ARHGEF18: variants seen among roughly 807,000 people sequenced by gnomAD.
ARHGEF18 encodes the protein rho guanine nucleotide exchange factor 18.
A neutral mutation model predicts 155.7 loss-of-function variants in ARHGEF18; 93 were observed. The observed-to-expected ratio is 0.60, with a 90% confidence interval of 0.50 to 0.71. ARHGEF18 has a LOEUF of 0.71. ARHGEF18 is among the 30% of genes least tolerant of loss of function. The pLI is 0.00. For missense variants in ARHGEF18, 1,593 were observed against 1,816.1 expected, an observed-to-expected ratio of 0.88 and a Z score of 2.23; for synonymous variants, 742 against 753.1, an observed-to-expected ratio of 0.99 and a Z score of 0.24.
intron 10 of ARHGEF18, among the ~76,000 whole-genome samples, chr19:7,411,064 G>C (rs1972647907): frequency 6.6e-6 from 1 of 151,918 alleles, no homozygotes; most frequent in Admixed American, 6.6e-5. Context: ...CCTCCATCCT[G>C]ATACCAGAAA....
At chr19:7,380,192 T>C (rs1451704053) in intron 7 of ARHGEF18, among the ~76,000 whole-genome samples, 1 of 148,444 alleles carries the variant, frequency 6.7e-6, no homozygotes, top group Non-Finnish European at 1.5e-5. Context: ...AAAAAAAAAA[T>C]TGTGGGCTGG....
chr19:7,447,669 G>A (rs1301962075), intron 15 of ARHGEF18, among the ~76,000 whole-genome samples: 3 of 152,154 alleles, frequency 2.0e-5, no homozygotes, highest in African/African-American at 4.8e-5. Flanking sequence ...TTCAGAACAC[G>A]TCAGTGAAAT....
At chr19:7,407,707 T>C (rs1972400295) in intron 10 of ARHGEF18, among the ~76,000 whole-genome samples, 1 of 151,934 alleles carries the variant, frequency 6.6e-6, no homozygotes, top group Non-Finnish European at 1.5e-5. Context: ...AAATTTTTTC[T>C]GTTAAGAGCT....
At chr19:7,427,887 T>C (rs1973750156) in intron 10 of ARHGEF18, among the ~76,000 whole-genome samples, 1 of 151,896 alleles carries the variant, frequency 6.6e-6, no homozygotes, top group Non-Finnish European at 1.5e-5. Context: ...CAGTCTGCAG[T>C]GAGCCAAGAT....
intron 11 of ARHGEF18, among the ~76,000 whole-genome samples, chr19:7,441,060 G>T (rs1974610202): frequency 6.6e-6 from 1 of 151,864 alleles, no homozygotes; most frequent in Non-Finnish European, 1.5e-5. Flanking sequence ...GGCTCCAGTG[G>T]TCTGTCAAGG....
chr19:7,449,443 G>C (rs373982488), intron 15 of ARHGEF18, among the ~76,000 whole-genome samples: 1 of 151,972 alleles, frequency 6.6e-6, no homozygotes, highest in Non-Finnish European at 1.5e-5. Context: ...GTGTGGTGGC[G>C]CACACCTGTA....
intron 10 of ARHGEF18, among the ~76,000 whole-genome samples, chr19:7,404,457 C>CTTTTTT (rs35583640): frequency 8.7e-6 from 1 of 115,280 alleles, no homozygotes; most frequent in Non-Finnish European, 1.7e-5. Flanking sequence ...GGATCTCTCT[C>CTTTTTT]TTTTTTTTTT....
chr19:7,429,464 G>A (rs566944285), intron 10 of ARHGEF18, among the ~76,000 whole-genome samples: 41 of 152,074 alleles, frequency 2.7e-4, no homozygotes, highest in Non-Finnish European at 5.6e-4. Context: ...TTACCTAGGT[G>A]TGGTGGCAGG....
intron 10 of ARHGEF18, among the ~76,000 whole-genome samples, chr19:7,387,888 C>T (rs1452151370): frequency 6.6e-6 from 1 of 151,940 alleles, no homozygotes; most frequent in Admixed American, 6.6e-5. Flanking sequence ...TGGTCTCAAA[C>T]TCCTGACCTC....
chr19:7,478,115 G>A, the ARHGEF18 span, among the ~76,000 whole-genome samples: 1 of 152,242 alleles, frequency 6.6e-6, no homozygotes, highest in Non-Finnish European at 1.5e-5. Context: ...TGAAGGCTCA[G>A]CCCTGGAGTC....
Position 7,362,814 on chromosome 19 carries a change from A to C in ARHGEF18, c.-77A>C. 1.6e-6 allele frequency: 2 copies of C among 1,233,892 alleles called. No homozygotes were observed. The allele number at this position is 1,233,892 out of a possible 1,614,324, so 76.4% of individuals were successfully genotyped here. On this transcript the variant is annotated 5_prime_UTR_variant, in exon 2 of 29. The change abolishes the stop of an existing upstream ORF in the 5' untranslated region. Transcript: ENST00000668164. ...CCCAAGTCATGTGTCCAGCCTTTTG[A>C]CTCTGGAGCTGTGGCTTCAGCCACC... is the stretch of plus-strand genomic sequence containing the variant.
At chr19:7,375,052 A>C (rs1192201983) in intron 3 of ARHGEF18, among the ~76,000 whole-genome samples, 1 of 152,068 alleles carries the variant, frequency 6.6e-6, no homozygotes, top group East Asian at 1.9e-4. Context: ...CGGGCGGATC[A>C]CTTGAGGTGA....
At chr19:7,427,339 C>T (rs1327630958) in intron 10 of ARHGEF18, among the ~76,000 whole-genome samples, 1 of 151,968 alleles carries the variant, frequency 6.6e-6, no homozygotes, top group East Asian at 1.9e-4. Flanking sequence ...AGGCATTGTC[C>T]AGAAAAAAAG....
At chr19:7,388,739 C>A (rs2145493862) in intron 10 of ARHGEF18, among the ~76,000 whole-genome samples, 1 of 151,446 alleles carries the variant, frequency 6.6e-6, no homozygotes, top group African/African-American at 2.4e-5. Flanking sequence ...CGCCACCACG[C>A]CTGGCTAATT....
downstream of ARHGEF18, among the ~76,000 whole-genome samples, chr19:7,476,563 G>T (rs956888561): frequency 7.2e-5 from 11 of 152,242 alleles, no homozygotes; most frequent in African/African-American, 2.7e-4. Flanking sequence ...TCAGCCTGGA[G>T]CCCTTAAAAT....
intron 10 of ARHGEF18, among the ~76,000 whole-genome samples, chr19:7,411,839 A>G (rs1002200571): frequency 6.6e-6 from 1 of 152,072 alleles, no homozygotes; most frequent in African/African-American, 2.4e-5. Context: ...GGGACCTCCT[A>G]GAAGTGGAGT....
intron 10 of ARHGEF18, among the ~76,000 whole-genome samples, chr19:7,398,599 G>A (rs1971852969): frequency 6.6e-6 from 1 of 151,316 alleles, no homozygotes; most frequent in African/African-American, 2.4e-5. Flanking sequence ...GCTGAGGCAG[G>A]AGAATCGCTT....
At chr19:7,351,386 C>T (rs535626139) in intron 1 of ARHGEF18, among the ~76,000 whole-genome samples, 7 of 150,990 alleles carry the variant, frequency 4.6e-5, no homozygotes, top group African/African-American at 1.5e-4. Context: ...TGCAGTGGCA[C>T]GATCTCGGCT....
intron 10 of ARHGEF18, among the ~76,000 whole-genome samples, chr19:7,393,920 G>A (rs1365621948): frequency 6.6e-6 from 1 of 150,842 alleles, no homozygotes; most frequent in South Asian, 2.1e-4. Flanking sequence ...TGTGTTTAGG[G>A]GATCTGATGG....
Sources: gnomAD v4.1 joint callset for allele counts (sites outside exome capture counted in the v4.1 genomes callset) on GRCh38, gnomAD v4.1.1 for gene constraint, MANE v1.5 for transcripts, NCBI Gene and HGNC (gene_info 2026-07-23, HGNC 2026-07-21) for gene names.